HPSE2: variants seen among roughly 807,000 people sequenced by gnomAD.
The protein encoded by HPSE2 is inactive heparanase-2.
HPSE2 carries 38 observed loss-of-function variants against 60.5 expected under a neutral mutation model. The observed-to-expected ratio is 0.63, with a 90% CI of 0.48 to 0.82. HPSE2 has a LOEUF of 0.82. HPSE2 is among the 40% of genes least tolerant of loss of function. HPSE2 has a pLI of 0.00. For missense variants in HPSE2, 713 were observed against 740.4 expected, an observed-to-expected ratio of 0.96 and a Z score of 0.43; for synonymous variants, 295 against 293.2, an observed-to-expected ratio of 1.01 and a Z score of -0.06.
intron 2 of HPSE2, among the ~76,000 whole-genome samples, chr10:99,147,380 C>T (rs1378516500): frequency 6.6e-6 from 1 of 152,202 alleles, no homozygotes; most frequent in Non-Finnish European, 1.5e-5. Flanking sequence ...AATTATAAAA[C>T]TTGTATCAAA....
intron 3 of HPSE2, among the ~76,000 whole-genome samples, chr10:98,865,622 T>C (rs1273361542): frequency 6.6e-6 from 1 of 152,082 alleles, no homozygotes; most frequent in Non-Finnish European, 1.5e-5. Context: ...GAGACATAAC[T>C]CTAGACATCT....
intron 11 of HPSE2, among the ~76,000 whole-genome samples, chr10:98,480,093 A>ATC (rs1564907615): frequency 6.9e-6 from 1 of 145,118 alleles, no homozygotes; most frequent in African/African-American, 2.5e-5. Flanking sequence ...CCTCTCCTAC[A>ATC]TTTTTTTTTT....
At chr10:98,843,729 T>C (rs1951972371) in intron 3 of HPSE2, among the ~76,000 whole-genome samples, 1 of 152,180 alleles carries the variant, frequency 6.6e-6, no homozygotes, top group South Asian at 2.1e-4. Flanking sequence ...TAAATCTTCC[T>C]TTCTCTCTAA....
intron 3 of HPSE2, among the ~76,000 whole-genome samples, chr10:98,902,177 G>T (rs1160689365): frequency 6.6e-6 from 1 of 152,154 alleles, no homozygotes; most frequent in Non-Finnish European, 1.5e-5. Context: ...AAAAGGATTA[G>T]AAGAGATTTA....
At position 99,057,950 on chromosome 10, in the gene HPSE2, G is replaced by A. The variant is rs180679993; in HGVS notation, c.610+86288C>T. On this transcript the variant is annotated intron_variant, in intron 3 of 11. Transcript: ENST00000370552. ...AACAGATGTCTTCCAATTTTCCTTCGCAAAACCATATTTTATATTGGGTTC... is the reference window on the plus strand; with the variant it reads ...AACAGATGTCTTCCAATTTTCCTTCACAAAACCATATTTTATATTGGGTTC... 1.5e-3 allele frequency among the ~76,000 whole-genome samples: 222 copies of A among 152,042 alleles called. 2 individuals carry two copies. Among genetic ancestry groups the A allele is most frequent in the Non-Finnish European group, 2.3e-3 (157 of 68,010 alleles).
intron 6 of HPSE2, among the ~76,000 whole-genome samples, chr10:98,678,026 T>G (rs1022967710): frequency 6.6e-6 from 1 of 152,184 alleles, no homozygotes; most frequent in Non-Finnish European, 1.5e-5. Flanking sequence ...ATCAAATCGA[T>G]CTCTTTAAGC....
intron 9 of HPSE2, among the ~76,000 whole-genome samples, chr10:98,524,369 G>A (rs544542762): frequency 5.9e-5 from 9 of 152,288 alleles, no homozygotes; most frequent in East Asian, 1.9e-4. Flanking sequence ...GCTCAAGTGC[G>A]TGCAAGATAA....
At chr10:98,927,194 T>C (rs1954495512) in intron 3 of HPSE2, among the ~76,000 whole-genome samples, 1 of 152,128 alleles carries the variant, frequency 6.6e-6, no homozygotes, top group Admixed American at 6.5e-5. Flanking sequence ...TGTCTAATGT[T>C]GACAGTGGGG....
chr10:98,736,998 G>C (rs943758374), intron 4 of HPSE2, among the ~76,000 whole-genome samples: 3 of 152,202 alleles, frequency 2.0e-5, no homozygotes, highest in Admixed American at 6.5e-5. Context: ...GGTTGAAGGA[G>C]AGAAGCAGAC....
rs1463092868 is a variant in HPSE2, at chr10:98,565,918, A to C, written c.1320+48986T>G. 2.6e-5 allele frequency among the ~76,000 whole-genome samples: 4 copies of C among 152,142 alleles called. No individual in the cohort carries two copies. The East Asian group carries it at 7.7e-4, about 29-fold the overall frequency. On this transcript the variant is annotated intron_variant, in intron 9 of 11. Coordinates refer to ENST00000370552, the MANE Select transcript of HPSE2 (RefSeq NM_021828.5). ...GGGTCACCAAGAGGTAGAGAGAGAG[A>C]GAGAGCATATCAGCCAAGGCTCTAC... is the stretch of plus-strand genomic sequence containing the variant.
intron 11 of HPSE2, among the ~76,000 whole-genome samples, chr10:98,468,300 G>A (rs1189079986): frequency 1.3e-5 from 2 of 152,176 alleles, no homozygotes. Flanking sequence ...CCCTGCAGGT[G>A]GTGTCGCCTG....
chr10:98,519,213 C>T (rs375660199), intron 9 of HPSE2, among the ~76,000 whole-genome samples: 1 of 152,330 alleles, frequency 6.6e-6, no homozygotes, highest in East Asian at 1.9e-4. Flanking sequence ...CATTCATTAA[C>T]ATTTGCTGAG....
chr10:98,576,007 T>C (rs971320360), intron 9 of HPSE2, among the ~76,000 whole-genome samples: 2 of 152,212 alleles, frequency 1.3e-5, no homozygotes, highest in African/African-American at 2.4e-5. Flanking sequence ...ATTGTCACTA[T>C]TTAGCTAAAA....
At chr10:99,072,168 G>T (rs73324217) in intron 3 of HPSE2, among the ~76,000 whole-genome samples, 1,816 of 152,104 alleles carry the variant, frequency 0.012, 35 homozygotes, top group African/African-American at 0.041. Flanking sequence ...ACTGCATTGG[G>T]TAGTATGGAC....
At chr10:98,663,949 G>A (rs551657493) in intron 6 of HPSE2, among the ~76,000 whole-genome samples, 228 of 152,256 alleles carry the variant, frequency 1.5e-3, no homozygotes, top group Non-Finnish European at 2.4e-3. Context: ...GAACACTGTG[G>A]GTAGGCTCAG....
At chr10:98,735,657 C>T (rs893724453) in intron 4 of HPSE2, among the ~76,000 whole-genome samples, 37 of 152,134 alleles carry the variant, frequency 2.4e-4, no homozygotes, top group African/African-American at 4.8e-4. Context: ...TTTGCATTGG[C>T]GTGACCTGGA....
intron 11 of HPSE2, among the ~76,000 whole-genome samples, chr10:98,467,066 T>C (rs1446966889): frequency 6.6e-6 from 1 of 152,186 alleles, no homozygotes; most frequent in Non-Finnish European, 1.5e-5. Context: ...GGTTTCCTTC[T>C]ACCCGGACCT....
the HPSE2 span, among the ~76,000 whole-genome samples, chr10:99,286,552 T>C: frequency 7.2e-5 from 11 of 152,292 alleles, no homozygotes; most frequent in East Asian, 1.2e-3. Flanking sequence ...CGATGAGGGT[T>C]AGTGCTTAAT....
At chr10:98,721,856 G>A in intron 4 of HPSE2, 28 bp from the exon 5 acceptor site, 1 of 1,603,102 alleles carries the variant, frequency 6.2e-7, no homozygotes, top group Non-Finnish European at 8.5e-7. Context: ...ATGTAAGTCA[G>A]AATGAGAAGT....
Sources: allele counts gnomAD v4.1 joint callset (sites outside exome capture counted in the v4.1 genomes callset), GRCh38; gene constraint gnomAD v4.1.1; transcripts MANE v1.5; gene names NCBI Gene and HGNC (gene_info 2026-07-23, HGNC 2026-07-21).